The following ZFYVE16 variants were observed in gnomAD, a reference collection of about 807,000 sequenced individuals.
ZFYVE16 encodes zinc finger FYVE domain-containing protein 16.
A neutral mutation model predicts 138.1 loss-of-function variants in ZFYVE16; 89 were observed. That is an observed-to-expected ratio of 0.64 (90% CI 0.54 to 0.77). The LOEUF (loss-of-function observed/expected upper bound fraction) is 0.77, where lower values mean the gene tolerates loss of function less well. Among genes scored for constraint, ZFYVE16 ranks in the 30% least tolerant of loss-of-function variants. The probability of loss-of-function intolerance (pLI) is 0.00; values close to 1 mark genes in which losing one functional copy is unlikely to be tolerated. For missense variants in ZFYVE16, 1,793 were observed against 1,786.7 expected (o/e 1.00, Z -0.06); for synonymous variants, 596 against 618.3 (o/e 0.96, Z 0.53).
At chr5:80,432,020 T>A in intron 2 of ZFYVE16, among the ~76,000 whole-genome samples, 1 of 152,184 alleles carries the variant, frequency 6.6e-6, no homozygotes, top group Non-Finnish European at 1.5e-5. Context: ...CAAGGTAATT[T>A]ATAGATTCAG....
chr5:80,468,232 G>T (rs2112530227), intron 15 of ZFYVE16, among the ~76,000 whole-genome samples: 1 of 152,272 alleles, frequency 6.6e-6, no homozygotes, highest in Non-Finnish European at 1.5e-5. Context: ...TCCATTTTCA[G>T]TGTTCCTATT....
chr5:80,438,179 T>C lies in ZFYVE16; in HGVS notation c.1494T>C (p.Gly498=), dbSNP rs1750213604. 3 of 1,613,748 alleles carry C rather than the reference T, an allele frequency of 1.9e-6. No homozygotes were observed. The highest frequency in any genetic ancestry group is 1.3e-5 in the African/African-American group (1 of 74,862). Reference sequence around the variant, plus strand: ...CAGAGTCTTCTGATTGTTGTGAAGGTTTTATTAATACTTTTTCAAGCAATG... The same window carrying C: ...CAGAGTCTTCTGATTGTTGTGAAGGCTTTATTAATACTTTTTCAAGCAATG... ...HVPESSDCCE[G]FINTFSSNDM... is the part of the protein sequence containing the mutation. The change falls in exon 4 of 19, where the codon GGT becomes GGC. Residue 498 remains glycine (G), a synonymous_variant. Transcript: ENST00000505560.
intron 1 of ZFYVE16, among the ~76,000 whole-genome samples, chr5:80,415,913 G>A (rs572078515): frequency 1.4e-4 from 22 of 152,136 alleles, no homozygotes; most frequent in African/African-American, 4.6e-4. Context: ...TGATCTGCCC[G>A]CCTCAGCCTC....
At chr5:80,450,190 A>T (rs1285761485) in intron 9 of ZFYVE16, among the ~76,000 whole-genome samples, 1 of 152,164 alleles carries the variant, frequency 6.6e-6, no homozygotes, top group Non-Finnish European at 1.5e-5. Context: ...CTAAATTCTT[A>T]TCCACTACAT....
chr5:80,477,192 C>G (rs933990005), intron 18 of ZFYVE16, 27 bp from the exon 19 acceptor site: 1 of 1,561,842 alleles, frequency 6.4e-7, no homozygotes, highest in African/African-American at 1.4e-5. Flanking sequence ...TGCTCATTTT[C>G]TTATCAAGAA....
At position 80,469,163 on chromosome 5, in the gene ZFYVE16, C is replaced by T. The variant is rs56878736; in HGVS notation, c.4025-3598C>T. On this transcript the variant is annotated intron_variant, in intron 15 of 18. Coordinates refer to ENST00000505560, the MANE Select transcript of ZFYVE16 (RefSeq NM_001284236.3). ...TCTCACCCAGGCGGGAGTGCAGTGG[C>T]ATGATCATGGCTCACTGCAGCCTCA... Among the ~76,000 whole-genome samples the T allele has an allele frequency of 9.0e-3, 1,345 of 149,974 alleles. 24 individuals are homozygous for T. Among genetic ancestry groups the T allele is most frequent in the African/African-American group, 0.032 (1,311 of 40,672 alleles).
At chr5:80,411,381 CA>C (rs1745437070) in intron 1 of ZFYVE16, among the ~76,000 whole-genome samples, 1 of 152,108 alleles carries the variant, frequency 6.6e-6, no homozygotes, top group Admixed American at 6.6e-5. Flanking sequence ...GTATTACTAA[CA>C]TCATTAATGT....
rs753349931 is a variant in ZFYVE16, at chr5:80,437,959, G to T, written c.1274G>T (p.Gly425Val). The change falls in exon 4 of 19, where the codon GGG becomes GTG. Residue 425 changes from glycine (G) to valine (V), a missense_variant. This residue lies in a region of ZFYVE16 where 1,295 missense variants were observed against 1,204.3 expected (regional missense o/e 1.08). Transcript: ENST00000505560. ...EEIQNSVVLG[G>V]EPFKENDLLK... Reference sequence around the variant, plus strand: ...ATACAGAACAGTGTTGTTCTAGGTGGGGAACCATTCAAAGAGAATGATCTT... The same window carrying T: ...ATACAGAACAGTGTTGTTCTAGGTGTGGAACCATTCAAAGAGAATGATCTT... 79 of 1,613,810 alleles carry T rather than the reference G, an allele frequency of 4.9e-5. No individual in the cohort carries two copies. Among genetic ancestry groups the T allele is most frequent in the Non-Finnish European group, 6.5e-5 (77 of 1,179,956 alleles).
At chr5:80,428,356 A>G (rs1361974453) in intron 2 of ZFYVE16, among the ~76,000 whole-genome samples, 7 of 152,210 alleles carry the variant, frequency 4.6e-5, no homozygotes, top group Non-Finnish European at 8.8e-5. Flanking sequence ...GGTCTGGAGT[A>G]GACCTCCAGC....
rs201276987 is a variant in ZFYVE16 at position 80,448,155 on chromosome 5, A to T, written c.2854A>T (p.Met952Leu). 4 of 1,613,914 alleles carry T rather than the reference A, an allele frequency of 2.5e-6. No homozygotes were observed. The highest frequency in any genetic ancestry group is 3.4e-6 in the Non-Finnish European group (4 of 1,179,956). ...SQVPSVEKLS[M>L]NTGNEGLPTS... ...GGTTCCATCAGTGGAAAAATTGTCT[A>T]TGAACACAGGAAATGAGGGGTTACC... The change falls in exon 8 of 19, where the codon ATG (methionine) becomes TTG (leucine). Residue 952 changes from methionine to leucine, a missense_variant. Met to Leu is a conservative substitution (Grantham distance 15). This residue lies in a region of ZFYVE16 where 1,295 missense variants were observed against 1,204.3 expected (regional missense o/e 1.08). Transcript: ENST00000505560.
chr5:80,413,952 C>A (rs1341250393), intron 1 of ZFYVE16, among the ~76,000 whole-genome samples: 3 of 152,134 alleles, frequency 2.0e-5, no homozygotes, highest in Non-Finnish European at 4.4e-5. Context: ...CATTTCACTT[C>A]CCCTCTCCCC....
At chr5:80,469,619 T>C (rs1043553682) in intron 15 of ZFYVE16, among the ~76,000 whole-genome samples, 2 of 152,266 alleles carry the variant, frequency 1.3e-5, no homozygotes, top group East Asian at 1.9e-4. Context: ...TTCCAGTCTC[T>C]TCTTCTAGGA....
In ZFYVE16 at chr5:80,438,322, A is replaced by ACATAAAG; in HGVS notation, c.1638_1644dup (p.Ser549HisfsTer5). 1 of 1,613,798 alleles carries ACATAAAG rather than the reference A, an allele frequency of 6.2e-7. No individual in the cohort carries two copies. Among genetic ancestry groups the ACATAAAG allele is most frequent in the South Asian group, 1.1e-5 (1 of 91,064 alleles). On this transcript the variant is annotated frameshift_variant, in exon 4 of 19. Transcript: ENST00000505560. LOFTEE classifies it high-confidence loss of function. ...ACAGAACAGTATCTTCAGACCACTA[A>ACATAAAG]CATAAAGTCTTTTGAAGAAAATGTA...
chr5:80,470,760 C>T (rs543266204), intron 15 of ZFYVE16, among the ~76,000 whole-genome samples: 190 of 152,150 alleles, frequency 1.2e-3, no homozygotes, highest in African/African-American at 4.4e-3. Context: ...ATCCTCCCTC[C>T]TTGTCTTCCC....
At chr5:80,432,583 A>G (rs1409045903) in intron 2 of ZFYVE16, among the ~76,000 whole-genome samples, 3 of 152,240 alleles carry the variant, frequency 2.0e-5, no homozygotes, top group Non-Finnish European at 4.4e-5. Flanking sequence ...AAAATTGACA[A>G]ATGGGATCAG....
intron 5 of ZFYVE16, chr5:80,440,422 T>G: frequency 1.0e-6 from 1 of 986,724 alleles, no homozygotes; most frequent in Non-Finnish European, 1.2e-6. Flanking sequence ...CAGGGCAAGA[T>G]AATAGTTCAC....
intron 1 of ZFYVE16, among the ~76,000 whole-genome samples, chr5:80,422,621 A>AT (rs1447231906): frequency 6.6e-6 from 1 of 151,788 alleles, no homozygotes; most frequent in Non-Finnish European, 1.5e-5. Context: ...TGCCAGGCTA[A>AT]TTTTTTTATT....
At position 80,438,882 on chromosome 5, in the gene ZFYVE16, G is replaced by A; in HGVS notation, c.2197G>A (p.Glu733Lys). The part of the protein sequence containing the change: ...EDSVPENTCK[E>K]GLVLGQKQPT... Reference sequence around the variant, plus strand: ...TTCTGTACCTGAAAACACTTGCAAAGAAGGCTTGGTTTTGGGCCAGAAACA... The same window carrying A: ...TTCTGTACCTGAAAACACTTGCAAAAAAGGCTTGGTTTTGGGCCAGAAACA... Residue 733 changes from glutamate to lysine, a missense_variant, in exon 4 of 19, where the codon GAA becomes AAA. Physicochemically the swap from Glu to Lys is moderately conservative, Grantham distance 56. Transcript: ENST00000505560. The A allele has an allele frequency of 6.2e-7, 1 of 1,614,082 alleles. No individual in the cohort carries two copies. The highest frequency in any genetic ancestry group is 8.5e-7 in the Non-Finnish European group (1 of 1,179,966).
intron 15 of ZFYVE16, among the ~76,000 whole-genome samples, chr5:80,470,066 T>TAC (rs1754167938): frequency 2.8e-5 from 1 of 35,932 alleles, no homozygotes; most frequent in Non-Finnish European, 7.9e-5. Flanking sequence ...TATATATACG[T>TAC]GTGTGTGTGT....
Sources: allele counts gnomAD v4.1 joint callset (sites outside exome capture counted in the v4.1 genomes callset), GRCh38; gene constraint gnomAD v4.1.1; regional missense constraint gnomAD v4.1.1; transcripts MANE v1.5; gene names NCBI Gene and HGNC (gene_info 2026-07-23, HGNC 2026-07-21).